The following GNPTAB variants were observed in gnomAD, a reference collection of about 807,000 sequenced individuals.
GNPTAB encodes N-acetylglucosamine-1-phosphate transferase subunits alpha and beta.
In GNPTAB, 92 loss-of-function variants were observed where a neutral mutation model predicts 136.6. The ratio of observed to expected loss-of-function variants is 0.67; its 90% confidence interval spans 0.57 to 0.80. The LOEUF is 0.80. GNPTAB is among the 30% of genes least tolerant of loss of function. GNPTAB has a pLI of 0.00. For missense variants in GNPTAB, 1,343 were observed against 1,501.8 expected, an observed-to-expected ratio of 0.89 and a Z score of 1.75; for synonymous variants, 512 against 535.1, an observed-to-expected ratio of 0.96 and a Z score of 0.60.
At chr12:101,758,337 C>A (rs925285165) in intron 16 of GNPTAB, among the ~76,000 whole-genome samples, 2 of 152,156 alleles carry the variant, frequency 1.3e-5, no homozygotes, top group African/African-American at 4.8e-5. Context: ...TCGCACCCGG[C>A]CAATTTTTGT....
At chr12:101,800,957 G>A (rs754085908) in intron 1 of GNPTAB, among the ~76,000 whole-genome samples, 3 of 151,934 alleles carry the variant, frequency 2.0e-5, no homozygotes, top group Non-Finnish European at 4.4e-5. Flanking sequence ...AAAAAACAAG[G>A]GCCAGGTGGC....
chr12:101,825,805 TA>T (rs1871057798), intron 1 of GNPTAB, among the ~76,000 whole-genome samples: 1 of 152,232 alleles, frequency 6.6e-6, no homozygotes, highest in Admixed American at 6.5e-5. Flanking sequence ...AAACATTTTT[TA>T]AACAATGAAA....
At chr12:101,794,516 C>G (rs1040351990) in intron 2 of GNPTAB, among the ~76,000 whole-genome samples, 1 of 151,568 alleles carries the variant, frequency 6.6e-6, no homozygotes, top group Non-Finnish European at 1.5e-5. Flanking sequence ...AATAAAAAAT[C>G]TGTACAGAAA....
At position 101,764,861 on chromosome 12, in the gene GNPTAB, T is replaced by C. The variant is rs529786218; in HGVS notation, c.2056A>G (p.Thr686Ala). 1 of 1,614,230 alleles carries C rather than the reference T, an allele frequency of 6.2e-7. No homozygotes were observed. The highest frequency in any genetic ancestry group is 8.5e-7 in the Non-Finnish European group (1 of 1,180,038). Residue 686 changes from threonine (T) to alanine (A), a missense_variant, in exon 13 of 21, where the codon ACA becomes GCA. Coordinates refer to ENST00000299314, the MANE Select transcript of GNPTAB (RefSeq NM_024312.5). Reference sequence around the variant, plus strand: ...TTCACCTCTTCCTGGGCTCTCCTTGTTGAGTTAACATCATGTCTCTTAAAC... The same window carrying C: ...TTCACCTCTTCCTGGGCTCTCCTTGCTGAGTTAACATCATGTCTCTTAAAC... ...PKFKRHDVNS[T>A]RRAQEEVKIP...
At position 101,764,354 on chromosome 12, in the gene GNPTAB, T is replaced by G; in HGVS notation, c.2563A>C (p.Lys855Gln). 6.2e-7 allele frequency: 1 copy of G among 1,614,124 alleles called. No individual in the cohort carries two copies. The highest frequency in any genetic ancestry group is 8.5e-7 in the Non-Finnish European group (1 of 1,180,010). Residue 855 changes from lysine to glutamine, a missense_variant, in exon 13 of 21, where the codon AAA (lysine) becomes CAA (glutamine). Lys to Gln is a moderately conservative substitution (Grantham distance 53). Coordinates refer to ENST00000299314, the MANE Select transcript of GNPTAB (RefSeq NM_024312.5). ...QMTKEKKITG[K>Q]EKENSRMEEN... ...TCCATTCTACTGTTCTCTTTTTCTTTCCCTGTGATTTTCTTTTCTTTTGTC... is the reference window on the plus strand; with the variant it reads ...TCCATTCTACTGTTCTCTTTTTCTTGCCCTGTGATTTTCTTTTCTTTTGTC...
chr12:101,775,332 T>G (rs1179383846), intron 7 of GNPTAB, among the ~76,000 whole-genome samples: 3 of 151,966 alleles, frequency 2.0e-5, no homozygotes, highest in African/African-American at 7.2e-5. Flanking sequence ...CTTTAAGTGA[T>G]TCAACAATTC....
intron 19 of GNPTAB, among the ~76,000 whole-genome samples, chr12:101,752,079 A>G (rs1026771984): frequency 1.3e-5 from 2 of 151,944 alleles, no homozygotes; most frequent in Non-Finnish European, 2.9e-5. Context: ...ATTGCTAGTG[A>G]TTATTCCCAC....
chr12:101,800,017 G>A (rs1034447277), intron 1 of GNPTAB, among the ~76,000 whole-genome samples: 1 of 152,146 alleles, frequency 6.6e-6, no homozygotes, highest in Admixed American at 6.5e-5. Context: ...ACACTTGTAC[G>A]TGTACTTGAG....
At chr12:101,797,495 T>G (rs1032731480) in intron 1 of GNPTAB, among the ~76,000 whole-genome samples, 6 of 152,070 alleles carry the variant, frequency 3.9e-5, no homozygotes, top group Non-Finnish European at 8.8e-5. Flanking sequence ...CATGGCGGCA[T>G]GCGCCTGCAG....
chr12:101,768,270 A>G (rs1953123632), intron 10 of GNPTAB, 110 bp from the exon 11 acceptor site: 1 of 1,246,862 alleles, frequency 8.0e-7, no homozygotes, highest in Non-Finnish European at 1.1e-6. Context: ...AAAGATTAAA[A>G]TTTTCAAAGG....
chr12:101,825,185 C>T (rs561010076), intron 1 of GNPTAB, among the ~76,000 whole-genome samples: 2 of 152,298 alleles, frequency 1.3e-5, no homozygotes, highest in African/African-American at 4.8e-5. Flanking sequence ...TACATCTTGG[C>T]CTCATCTCAA....
chr12:101,819,776 C>A (rs1240598183), intron 1 of GNPTAB, among the ~76,000 whole-genome samples: 2 of 151,994 alleles, frequency 1.3e-5, no homozygotes, highest in African/African-American at 4.8e-5. Flanking sequence ...TAAAGAACAG[C>A]AGAAATTTTA....
At position 101,771,018 on chromosome 12, in the gene GNPTAB, C is replaced by T; in HGVS notation, c.911G>A (p.Trp304Ter). The change falls in exon 8 of 21, where the codon TGG becomes TAG. Residue 304 changes from tryptophan to a stop codon, truncating the protein, a stop_gained. Transcript: ENST00000299314. LOFTEE classifies it high-confidence loss of function. ...ELTISPAYLL[W>*]DLSAISQSKQ... ...TACCTGGCTGATGGCGCTCAGATCC[C>T]ATAATAAATATGCAGGACTTATGGT... 1 of 1,614,104 alleles carries T rather than the reference C, an allele frequency of 6.2e-7. No homozygotes were observed. The highest frequency in any genetic ancestry group is 8.5e-7 in the Non-Finnish European group (1 of 1,179,980).
intron 5 of GNPTAB, among the ~76,000 whole-genome samples, chr12:101,784,533 T>C (rs2137142466): frequency 6.6e-6 from 1 of 152,084 alleles, no homozygotes; most frequent in African/African-American, 2.4e-5. Context: ...AAAATCAGGG[T>C]TTTCAGATTT....
Position 101,789,958 on chromosome 12 carries a change from C to T in GNPTAB, c.303G>A (p.Glu101=). The T allele has an allele frequency of 6.2e-7, 1 of 1,614,180 alleles. No homozygotes were observed. Among genetic ancestry groups the T allele is most frequent in the Non-Finnish European group, 8.5e-7 (1 of 1,180,024 alleles). Residue 101 remains glutamate, a synonymous_variant, in exon 3 of 21, where the codon GAG becomes GAA. Transcript: ENST00000299314. ...KELQQVREQM[E]EEQKAMREIL... ...TTTACCTCATTGCTTTCTGCTCCTC[C>T]TCCATCTGTTCTCTGACCTGCTGTA...
At chr12:101,765,795 T>C (rs1953082115) in intron 12 of GNPTAB, 3 of 403,682 alleles carry the variant, frequency 7.4e-6, no homozygotes, top group African/African-American at 4.1e-5. Flanking sequence ...TAATGAATTA[T>C]TGATATCCTT....
At chr12:101,796,576 A>G (rs779733277) in intron 2 of GNPTAB, 101 bp downstream of exon 2, 4 of 803,522 alleles carry the variant, frequency 5.0e-6, no homozygotes, top group East Asian at 2.4e-5. Context: ...AACCATATCT[A>G]TAACTCAGAA....
chr12:101,753,105 T>C (rs1239820301), intron 19 of GNPTAB, among the ~76,000 whole-genome samples: 3 of 151,842 alleles, frequency 2.0e-5, no homozygotes, highest in African/African-American at 7.3e-5. Context: ...ATACAAAAAA[T>C]TAGCTGGGCT....
intron 5 of GNPTAB, among the ~76,000 whole-genome samples, chr12:101,782,389 C>T (rs1328595396): frequency 2.0e-5 from 3 of 152,082 alleles, no homozygotes; most frequent in African/African-American, 7.3e-5. Context: ...ATTTCCATCA[C>T]ATTTTTGTGC....
Sources: gnomAD v4.1 joint callset for allele counts (sites outside exome capture counted in the v4.1 genomes callset) on GRCh38, gnomAD v4.1.1 for gene constraint, MANE v1.5 for transcripts, NCBI Gene and HGNC (gene_info 2026-07-23, HGNC 2026-07-21) for gene names.